The following DPP6 variants were observed in gnomAD, a reference collection of about 807,000 sequenced individuals.
The protein encoded by DPP6 is A-type potassium channel modulatory protein DPP6.
Under a neutral mutation model 122.6 loss-of-function variants are expected in DPP6, and 69 were observed. That is an observed-to-expected ratio of 0.56 (90% CI 0.46 to 0.69). The LOEUF (loss-of-function observed/expected upper bound fraction) is 0.69, where lower values mean the gene tolerates loss of function less well. Among genes scored for constraint, DPP6 ranks in the 30% least tolerant of loss-of-function variants. The probability of loss-of-function intolerance (pLI) is 0.00; values close to 1 mark genes in which losing one functional copy is unlikely to be tolerated. For missense variants in DPP6, 928 were observed against 1,116.9 expected, an observed-to-expected ratio of 0.83 and a Z score of 2.41; for synonymous variants, 418 against 433.1, an observed-to-expected ratio of 0.97 and a Z score of 0.43.
At chr7:154,870,615 AAAACAAAC>A (rs1170440025) in intron 18 of DPP6, among the ~76,000 whole-genome samples, 1 of 151,978 alleles carries the variant, frequency 6.6e-6, no homozygotes, top group South Asian at 2.1e-4. Flanking sequence ...CAAAAAACAA[AAAACAAAC>A]AAACAAACAA....
At chr7:154,662,914 T>C (rs1837847380) in intron 6 of DPP6, among the ~76,000 whole-genome samples, 1 of 63,312 alleles carries the variant, frequency 1.6e-5, no homozygotes, top group African/African-American at 4.0e-5. Flanking sequence ...TTCGCCGTAG[T>C]GTTCATATAG....
chr7:153,761,165 T>G, the DPP6 span, among the ~76,000 whole-genome samples: 1 of 152,320 alleles, frequency 6.6e-6, no homozygotes, highest in Non-Finnish European at 1.5e-5. Flanking sequence ...CGAAATATGT[T>G]GTTTCCTATG....
chr7:154,019,768 A>C (rs186748463), intron 1 of DPP6, among the ~76,000 whole-genome samples: 171 of 152,362 alleles, frequency 1.1e-3, no homozygotes, highest in Non-Finnish European at 1.9e-3. Context: ...ATCATGACCC[A>C]AAATTAGTTC....
At chr7:154,192,412 C>T (rs1798657750) in intron 1 of DPP6, among the ~76,000 whole-genome samples, 1 of 152,234 alleles carries the variant, frequency 6.6e-6, no homozygotes, top group South Asian at 2.1e-4. Flanking sequence ...CTTCCAGTTC[C>T]TTCACTGCCT....
intron 3 of DPP6, among the ~76,000 whole-genome samples, chr7:154,499,449 A>G (rs1360469733): frequency 1.3e-5 from 2 of 152,124 alleles, no homozygotes; most frequent in Non-Finnish European, 2.9e-5. Context: ...GTCACTCCAA[A>G]TTGCATGTCC....
intron 1 of DPP6, among the ~76,000 whole-genome samples, chr7:154,254,812 G>A (rs1248036795): frequency 6.6e-6 from 1 of 152,144 alleles, no homozygotes; most frequent in African/African-American, 2.4e-5. Context: ...TAATGATCAT[G>A]AGAGCAAGAG....
At chr7:154,371,378 C>CAAAAAAAAAAAAAAA (rs1167770083) in intron 1 of DPP6, among the ~76,000 whole-genome samples, 44 of 47,714 alleles carry the variant, frequency 9.2e-4, no homozygotes, top group Non-Finnish European at 1.2e-3. Flanking sequence ...AACTCTGTCT[C>CAAAAAAAAAAAAAAA]AAAAAAAAAA....
chr7:154,493,373 CG>C (rs975577654), intron 3 of DPP6, among the ~76,000 whole-genome samples: 7 of 152,150 alleles, frequency 4.6e-5, no homozygotes, highest in Admixed American at 1.3e-4. Flanking sequence ...TGCAACTTTC[CG>C]TGGTTCAGTG....
chr7:154,754,112 T>C (rs1587033945), intron 8 of DPP6, among the ~76,000 whole-genome samples: 1 of 152,340 alleles, frequency 6.6e-6, no homozygotes, highest in East Asian at 1.9e-4. Flanking sequence ...TGTGTTTTTG[T>C]TGAGATTAGG....
chr7:154,229,771 A>T (rs187422610), intron 1 of DPP6, among the ~76,000 whole-genome samples: 1 of 152,046 alleles, frequency 6.6e-6, no homozygotes. Context: ...TGTTGCTCTG[A>T]TGGAGGCTTT....
chr7:154,079,930 G>A (rs1803868808), intron 1 of DPP6, among the ~76,000 whole-genome samples: 1 of 151,634 alleles, frequency 6.6e-6, no homozygotes, highest in Non-Finnish European at 1.5e-5. Context: ...GATATAGTGT[G>A]TCAGTCAGGG....
chr7:154,058,240 G>C (rs1361934691), intron 1 of DPP6: 1 of 148,792 alleles, frequency 6.7e-6, no homozygotes, highest in African/African-American at 2.5e-5. Flanking sequence ...CCATCGCAGG[G>C]GGGGAGGCAC....
chr7:154,434,918 T>C (rs112018478), intron 1 of DPP6, among the ~76,000 whole-genome samples: 10,274 of 152,244 alleles, frequency 0.067, 388 homozygotes, highest in Middle Eastern at 0.12. Context: ...CACTGCAACC[T>C]CTGCCTCCCA....
chr7:154,559,933 T>TATATAAAGATATAG (rs1470727258), intron 4 of DPP6, among the ~76,000 whole-genome samples: 10 of 147,140 alleles, frequency 6.8e-5, no homozygotes, highest in South Asian at 2.1e-4. Flanking sequence ...TATAGATATA[T>TATATAAAGATATAG]ATATAAAGAT....
intron 1 of DPP6, among the ~76,000 whole-genome samples, chr7:154,417,474 C>A (rs1200158737): frequency 6.6e-6 from 1 of 152,150 alleles, no homozygotes; most frequent in South Asian, 2.1e-4. Flanking sequence ...TAAGCCCCAG[C>A]CTGTGAAGGC....
rs1346366197 is a variant in DPP6, at chr7:154,403,562, G to A, written c.244-42652G>A. 2.6e-5 allele frequency among the ~76,000 whole-genome samples: 4 copies of A among 152,212 alleles called. No individual in the cohort carries two copies. The highest frequency in any genetic ancestry group is 4.4e-5 in the Non-Finnish European group (3 of 68,032). Reference sequence around the variant, plus strand: ...GCTCCTGTGCATCCAACTCTGGGCTGGGAAAGCAAAGAGCACTGGGCAATC... The same window carrying A: ...GCTCCTGTGCATCCAACTCTGGGCTAGGAAAGCAAAGAGCACTGGGCAATC... On this transcript the variant is annotated intron_variant, in intron 1 of 25. Coordinates refer to ENST00000377770, the MANE Select transcript of DPP6 (RefSeq NM_130797.4). This position sits in a 1 kb window ranked among gnomAD's most constrained non-coding sequence, Gnocchi z 4.1.
intron 16 of DPP6, among the ~76,000 whole-genome samples, chr7:154,829,392 G>A (rs1439145001): frequency 7.2e-6 from 1 of 139,698 alleles, no homozygotes; most frequent in Admixed American, 7.4e-5. Context: ...GAAAGAAAAA[G>A]GAAAGGAGAG....
At chr7:154,232,318 G>A (rs1800966048) in intron 1 of DPP6, among the ~76,000 whole-genome samples, 1 of 152,176 alleles carries the variant, frequency 6.6e-6, no homozygotes, top group Non-Finnish European at 1.5e-5. Flanking sequence ...CAGAAACAGG[G>A]ACTCTGCAGG....
chr7:153,978,866 A>G (rs1026243596), intron 1 of DPP6, among the ~76,000 whole-genome samples: 1 of 151,962 alleles, frequency 6.6e-6, no homozygotes. Context: ...GTAGTTGTGC[A>G]GTGTTACTTC....
Sources: allele counts gnomAD v4.1 joint callset (sites outside exome capture counted in the v4.1 genomes callset), GRCh38; gene constraint gnomAD v4.1.1; non-coding constraint Gnocchi (gnomAD v3.1); transcripts MANE v1.5; gene names NCBI Gene and HGNC (gene_info 2026-07-23, HGNC 2026-07-21).